The following TCERG1 variants were observed in gnomAD, a reference collection of about 807,000 sequenced individuals.
TCERG1 encodes the protein TATA box binding protein (TBP)-associated factor, RNA polymerase II, S, 150kD.
Under a neutral mutation model 144.7 loss-of-function variants are expected in TCERG1, and 37 were observed. The observed-to-expected ratio is 0.26, with a 90% CI of 0.20 to 0.34. The LOEUF is 0.34. Among genes scored for constraint, TCERG1 ranks in the 10% least tolerant of loss-of-function variants. The pLI is 1.00. For synonymous variants in TCERG1, 492 were observed against 458.2 expected (o/e 1.07, Z -0.94); for missense variants, 1,027 against 1,380.7 (o/e 0.74, Z 4.06).
At chr5:146,460,013 T>A (rs1763200148) in intron 4 of TCERG1, among the ~76,000 whole-genome samples, 1 of 152,070 alleles carries the variant, frequency 6.6e-6, no homozygotes, top group Non-Finnish European at 1.5e-5. Flanking sequence ...TTTGGAGGAT[T>A]TTTTTTGGTG....
rs1768426799 is a variant in TCERG1 at position 146,511,099 on chromosome 5, T to C, written c.*457T>C. The C allele has an allele frequency of 6.5e-6, 1 of 152,842 alleles. No homozygotes were observed. Among genetic ancestry groups the C allele is most frequent in the Non-Finnish European group, 1.5e-5 (1 of 68,182 alleles). 9.5% of individuals were successfully genotyped at this position (152,842 alleles called of 1,614,324 possible). A position where few individuals can be genotyped will look rare whatever the true frequency, so the allele number is the denominator to read the frequency against. ...GAAAACACTGAAAATTGAATTCTTA[T>C]CTTCCAGAGGCTACAATTATTATAA... On this transcript the variant is annotated 3_prime_UTR_variant, in exon 23 of 23. Coordinates refer to ENST00000679501, the MANE Select transcript of TCERG1 (RefSeq NM_001382548.1).
chr5:146,510,401 C>T, intron 22 of TCERG1, 40 bp from the exon 23 acceptor site: 1 of 1,421,298 alleles, frequency 7.0e-7, no homozygotes, highest in Non-Finnish European at 9.9e-7. Context: ...GACCTGTGAA[C>T]AGCAGTCAGT....
chr5:146,482,201 T>A (rs1047153643), intron 13 of TCERG1: 1 of 153,008 alleles, frequency 6.5e-6, no homozygotes, highest in Non-Finnish European at 1.5e-5. Flanking sequence ...AAATACTGTT[T>A]TTTCTATATT....
At chr5:146,492,004 A>AC (rs1766473165) in intron 15 of TCERG1, among the ~76,000 whole-genome samples, 1 of 152,186 alleles carries the variant, frequency 6.6e-6, no homozygotes, top group Admixed American at 6.5e-5. Flanking sequence ...TATAAAAACA[A>AC]CCCGTAGGCC....
chr5:146,459,125 C>T lies in TCERG1; in HGVS notation c.680C>T (p.Ala227Val), dbSNP rs369242802. ...GCCCAGGCCCAAGCCCAAGCCCAGG[C>T]CCAGGCTCAGGCTCAGGCACAAGCT... ...AQAQAQAQAQ[A>V]QAQAQAQAQA... Residue 227 changes from alanine (A) to valine (V), a missense_variant, in exon 4 of 23, where the codon GCC becomes GTC. By Grantham distance (64) the Ala-to-Val change is moderately conservative (BLOSUM62 0). This residue lies in a region of TCERG1 where 187 missense variants were observed against 169.1 expected (regional missense o/e 1.11). Coordinates refer to ENST00000679501, the MANE Select transcript of TCERG1 (RefSeq NM_001382548.1). 2 of 1,602,666 alleles carry T rather than the reference C, an allele frequency of 1.2e-6. No homozygotes were observed. Among genetic ancestry groups the T allele is most frequent in the African/African-American group, 2.7e-5 (2 of 74,564 alleles).
chr5:146,494,768 A>G (rs1766732327), intron 16 of TCERG1, among the ~76,000 whole-genome samples: 1 of 152,130 alleles, frequency 6.6e-6, no homozygotes, highest in Non-Finnish European at 1.5e-5. Context: ...CGGGAAAGAA[A>G]GGGGGAAATT....
rs188925378 is a variant in TCERG1 at position 146,480,065 on chromosome 5, A to G, written c.1857A>G (p.Glu619=). Residue 619 remains glutamate, a synonymous_variant, in exon 12 of 23, where the codon GAA becomes GAG. Coordinates refer to ENST00000679501, the MANE Select transcript of TCERG1 (RefSeq NM_001382548.1). Reference sequence around the variant, plus strand: ...AAGAATTAATGGAAGAAATTAATGAAGATGAGCCTGTTAAAGCAAAAAAAC... The same window carrying G: ...AAGAATTAATGGAAGAAATTAATGAGGATGAGCCTGTTAAAGCAAAAAAAC... ...EEQELMEEIN[E]DEPVKAKKRK... 6 of 1,600,932 alleles carry G rather than the reference A, an allele frequency of 3.7e-6. No individual in the cohort carries two copies. Among genetic ancestry groups the G allele is most frequent in the African/African-American group, 2.7e-5 (2 of 74,272 alleles).
At chr5:146,500,403 T>TA (rs35719861) in intron 17 of TCERG1, among the ~76,000 whole-genome samples, 1 of 151,180 alleles carries the variant, frequency 6.6e-6, no homozygotes, top group Non-Finnish European at 1.5e-5. Context: ...TGTGTATACT[T>TA]AAAAAAAAAA....
chr5:146,469,947 T>C (rs1374650213), intron 7 of TCERG1: 2 of 415,080 alleles, frequency 4.8e-6, no homozygotes, highest in African/African-American at 2.1e-5. Flanking sequence ...TTTTTTTCCA[T>C]CTGGAGAAAT....
intron 15 of TCERG1, among the ~76,000 whole-genome samples, chr5:146,486,601 T>TA (rs1765856478): frequency 6.6e-6 from 1 of 152,324 alleles, no homozygotes; most frequent in Admixed American, 6.5e-5. Context: ...AAGACAAGGA[T>TA]ACCCACTTTC....
At chr5:146,482,486 T>C (rs1765445491) in intron 13 of TCERG1, 106 bp from the exon 14 acceptor site, 5 of 1,117,500 alleles carry the variant, frequency 4.5e-6, no homozygotes, top group African/African-American at 3.2e-5. Context: ...GCCAAAAATA[T>C]GCTGCTCAGT....
rs1768102880 is a variant in TCERG1 at position 146,507,402 on chromosome 5, C to T, written c.2961+195C>T. The T allele has an allele frequency of 5.8e-6, 3 of 514,792 alleles. No homozygotes were observed. Among genetic ancestry groups the T allele is most frequent in the Non-Finnish European group, 9.8e-6 (3 of 305,170 alleles). 31.9% of individuals were successfully genotyped at this position (514,792 alleles called of 1,614,324 possible). A position where few individuals can be genotyped will look rare whatever the true frequency, so the allele number is the denominator to read the frequency against. On this transcript the variant is annotated intron_variant, in intron 20 of 22. Transcript: ENST00000679501. The surrounding 1 kb of genome is among the most constrained non-coding windows in gnomAD (Gnocchi z 4.6). ...AAATGCCTATTCTTTGCAGTTTTCACATTCATAACTGCTCCCATAGTAATT... is the reference window on the plus strand; with the variant it reads ...AAATGCCTATTCTTTGCAGTTTTCATATTCATAACTGCTCCCATAGTAATT...
intron 15 of TCERG1, among the ~76,000 whole-genome samples, chr5:146,488,743 ACAT>A (rs1185123149): frequency 6.6e-6 from 1 of 152,212 alleles, no homozygotes; most frequent in Non-Finnish European, 1.5e-5. Context: ...AAAGGAAAAG[ACAT>A]CATTATATTG....
At chr5:146,469,814 G>C (rs913514022) in intron 7 of TCERG1, 70 bp downstream of exon 7, 1 of 1,114,762 alleles carries the variant, frequency 9.0e-7, no homozygotes, top group Non-Finnish European at 1.2e-6. Flanking sequence ...TTGAAATTCT[G>C]AGTTAATTTC....
chr5:146,502,122 G>A (rs1767531071), intron 17 of TCERG1, among the ~76,000 whole-genome samples: 1 of 151,722 alleles, frequency 6.6e-6, no homozygotes, highest in African/African-American at 2.4e-5. Context: ...TCTCGAACTC[G>A]TGACCTCAGG....
intron 9 of TCERG1, 98 bp from the exon 10 acceptor site, chr5:146,478,395 A>G (rs936494495): frequency 2.4e-6 from 3 of 1,261,054 alleles, no homozygotes; most frequent in Non-Finnish European, 3.2e-6. Flanking sequence ...GTCGTTCTTC[A>G]GTACCCTCAT....
chr5:146,465,977 G>A (rs1428027404), intron 5 of TCERG1, among the ~76,000 whole-genome samples: 1 of 146,052 alleles, frequency 6.8e-6, no homozygotes, highest in East Asian at 2.1e-4. Context: ...CCGAGATCGC[G>A]CCATTGCACT....
chr5:146,499,063 G>A (rs1767197101), intron 17 of TCERG1, among the ~76,000 whole-genome samples: 1 of 152,144 alleles, frequency 6.6e-6, no homozygotes, highest in Non-Finnish European at 1.5e-5. Context: ...CTAAAAGATA[G>A]CATTTTAGTG....
At chr5:146,495,231 T>A (rs889464597) in intron 16 of TCERG1, among the ~76,000 whole-genome samples, 1 of 152,116 alleles carries the variant, frequency 6.6e-6, no homozygotes, top group Admixed American at 6.6e-5. Flanking sequence ...TTAAAAAAAA[T>A]TTTGGAATAT....
Sources: gnomAD v4.1 joint callset for allele counts (sites outside exome capture counted in the v4.1 genomes callset) on GRCh38, gnomAD v4.1.1 for gene constraint, gnomAD v4.1.1 regional missense constraint, Gnocchi (gnomAD v3.1) non-coding constraint, MANE v1.5 for transcripts, NCBI Gene and HGNC (gene_info 2026-07-23, HGNC 2026-07-21) for gene names.